ADAMTSL3: variants seen among roughly 807,000 people sequenced by gnomAD.
ADAMTSL3 encodes ADAMTS like 3, also known as ADAMTS-like protein 3.
ADAMTSL3 carries 128 observed loss-of-function variants against 201.7 expected under a neutral mutation model. The ratio of observed to expected loss-of-function variants is 0.63; its 90% CI spans 0.55 to 0.73. ADAMTSL3 has a LOEUF of 0.73. Among genes scored for constraint, ADAMTSL3 ranks in the 30% least tolerant of loss-of-function variants. ADAMTSL3 has a pLI of 0.00. For missense variants in ADAMTSL3, 1,990 were observed against 2,119.6 expected, an observed-to-expected ratio of 0.94 and a Z score of 1.20; for synonymous variants, 738 against 748.4, an observed-to-expected ratio of 0.99 and a Z score of 0.23.
chr15:83,787,783 T>G (rs2063287988), intron 4 of ADAMTSL3, among the ~76,000 whole-genome samples: 1 of 152,242 alleles, frequency 6.6e-6, no homozygotes, highest in South Asian at 2.1e-4. Flanking sequence ...TAACAATTTT[T>G]CACACCTCCT....
chr15:83,822,756 G>A lies in ADAMTSL3; in HGVS notation c.600+2709G>A, dbSNP rs1490926648. 3.1e-3 allele frequency among the ~76,000 whole-genome samples: 463 copies of A among 151,638 alleles called. 1 individual carries two copies. Among genetic ancestry groups the A allele is most frequent in the African/African-American group, 0.011 (438 of 41,306 alleles). On this transcript the variant is annotated intron_variant, in intron 6 of 29. Transcript: ENST00000286744. The stretch of plus-strand genomic sequence containing the variant: ...GCTCCTCACGTCCCAGACGATGGGC[G>A]GCCAGGCAGAGACGCTCCTCACTTC...
intron 2 of ADAMTSL3, among the ~76,000 whole-genome samples, chr15:83,674,640 CACACATATACATAT>C (rs2061369552): frequency 6.7e-6 from 1 of 148,694 alleles, no homozygotes; most frequent in South Asian, 2.1e-4. Flanking sequence ...CATATATATA[CACACATATACATAT>C]ACACATATAT....
intron 10 of ADAMTSL3, among the ~76,000 whole-genome samples, chr15:83,888,839 A>G (rs1357639082): frequency 6.6e-5 from 10 of 152,150 alleles, no homozygotes; most frequent in African/African-American, 2.4e-5. Context: ...CTTACATCCA[A>G]GCCATGTCTT....
Position 84,014,560 on chromosome 15 carries a change from T to A in ADAMTSL3, c.3992T>A (p.Ile1331Lys), listed in dbSNP as rs139185219. The stretch of plus-strand genomic sequence containing the variant: ...TCCAAAGGTGTCCCTCAGCCTAATA[T>A]AACTTGGTTGAAGAGAGGAGGATCT... ...CPVKGVPQPN[I>K]TWLKRGGSLS... The change falls in exon 24 of 30, where the codon ATA (isoleucine) becomes AAA (lysine). Residue 1331 changes from isoleucine to lysine, a missense_variant. By Grantham distance (102) the Ile-to-Lys change is moderately radical. Transcript: ENST00000286744. The A allele has an allele frequency of 6.2e-7, 1 of 1,614,076 alleles. No individual in the cohort carries two copies. The highest frequency in any genetic ancestry group is 1.1e-5 in the South Asian group (1 of 91,034).
chr15:83,707,244 A>G (rs2061866011), intron 3 of ADAMTSL3, among the ~76,000 whole-genome samples: 1 of 152,174 alleles, frequency 6.6e-6, no homozygotes, highest in Non-Finnish European at 1.5e-5. Flanking sequence ...TTTGGATGGT[A>G]TCTACCTTAT....
chr15:83,704,367 A>C (rs1345654689), intron 2 of ADAMTSL3, 22 bp from the exon 3 acceptor site: 1 of 1,613,912 alleles, frequency 6.2e-7, no homozygotes, highest in Non-Finnish European at 8.5e-7. Flanking sequence ...CTTATTTGTG[A>C]CCAAATGATC....
Position 84,016,636 on chromosome 15 carries a change from G to A in ADAMTSL3, c.4273+137G>A, listed in dbSNP as rs1317793896. On this transcript the variant is annotated intron_variant, in intron 25 of 29. Coordinates refer to ENST00000286744, the MANE Select transcript of ADAMTSL3 (RefSeq NM_207517.3). ...TAGGCATTTGGCCAGCCTTTTTCTT[G>A]ACCCTCAGTCTTTAGTGGTTCAACT... 30 of 718,918 alleles carry A rather than the reference G, an allele frequency of 4.2e-5. 1 individual carries two copies. In the Admixed American group the frequency reaches 8.0e-4, roughly 19 times the overall value. The allele number at this position is 718,918 out of a possible 1,614,324, so 44.5% of individuals were successfully genotyped here. A position where few individuals can be genotyped will look rare whatever the true frequency, so the allele number is the denominator to read the frequency against.
At chr15:83,849,012 CAATG>C (rs2064556437) in intron 7 of ADAMTSL3, among the ~76,000 whole-genome samples, 3 of 152,118 alleles carry the variant, frequency 2.0e-5, no homozygotes, top group Admixed American at 2.0e-4. Context: ...TAATTCCAGA[CAATG>C]AATGTGATCA....
intron 17 of ADAMTSL3, among the ~76,000 whole-genome samples, chr15:83,940,742 C>T (rs2066543883): frequency 6.6e-6 from 1 of 152,150 alleles, no homozygotes; most frequent in African/African-American, 2.4e-5. Flanking sequence ...TATATAACCA[C>T]ATGCAAAAGT....
chr15:83,879,554 T>G (rs2141851310), intron 9 of ADAMTSL3, among the ~76,000 whole-genome samples: 1 of 152,344 alleles, frequency 6.6e-6, no homozygotes, highest in South Asian at 2.1e-4. Flanking sequence ...AATTTTCCAG[T>G]AATCTTTTTA....
At position 83,743,654 on chromosome 15, in the gene ADAMTSL3, G is replaced by A. The variant is rs372114854; in HGVS notation, c.190-29869G>A. Among the ~76,000 whole-genome samples, 7 of 151,994 alleles carry A rather than the reference G, an allele frequency of 4.6e-5. 1 individual carries two copies. The South Asian group carries it at 6.2e-4, about 13-fold the overall frequency. On this transcript the variant is annotated intron_variant, in intron 3 of 29. Coordinates refer to ENST00000286744, the MANE Select transcript of ADAMTSL3 (RefSeq NM_207517.3). Reference sequence around the variant, plus strand: ...TGACTGTCTGATTTCTCTGTCAGCCGTGGCTGGGGAGGGGAGGCAAGTAGC... The same window carrying A: ...TGACTGTCTGATTTCTCTGTCAGCCATGGCTGGGGAGGGGAGGCAAGTAGC...
chr15:83,870,212 T>A (rs1314387821), intron 8 of ADAMTSL3, among the ~76,000 whole-genome samples: 1 of 152,174 alleles, frequency 6.6e-6, no homozygotes, highest in Non-Finnish European at 1.5e-5. Context: ...TGGTGGGTGA[T>A]AAAATGGCAT....
intron 13 of ADAMTSL3, among the ~76,000 whole-genome samples, chr15:83,896,065 G>A (rs8041056): frequency 0.63 from 95,335 of 152,076 alleles, 30,979 homozygotes; most frequent in African/African-American, 0.79. Context: ...TGGCTTGGCC[G>A]TGGCTTTGGC....
At chr15:83,728,369 G>C (rs899086302) in intron 3 of ADAMTSL3, among the ~76,000 whole-genome samples, 2 of 150,988 alleles carry the variant, frequency 1.3e-5, no homozygotes, top group African/African-American at 4.9e-5. Flanking sequence ...GTTATTATTT[G>C]TAAGTATGGA....
intron 15 of ADAMTSL3, among the ~76,000 whole-genome samples, chr15:83,912,554 T>A (rs2065952816): frequency 6.6e-6 from 1 of 152,182 alleles, no homozygotes; most frequent in Admixed American, 6.5e-5. Context: ...TTGAAGAAGA[T>A]CCAGAAGCTT....
chr15:83,782,676 AACACATGG>A (rs1293237478), intron 4 of ADAMTSL3, among the ~76,000 whole-genome samples: 3 of 152,140 alleles, frequency 2.0e-5, no homozygotes, highest in African/African-American at 7.2e-5. Flanking sequence ...AAACTATGAG[AACACATGG>A]ACACATACAG....
chr15:84,025,477 C>A, intron 27 of ADAMTSL3, 41 bp downstream of exon 27: 1 of 1,556,656 alleles, frequency 6.4e-7, no homozygotes, highest in South Asian at 1.2e-5. Flanking sequence ...CACTATCTGT[C>A]CACACAGATA....
At position 83,718,581 on chromosome 15, in the gene ADAMTSL3, A is replaced by G. The variant is rs537476828; in HGVS notation, c.189+14073A>G. Among the ~76,000 whole-genome samples, 51 of 151,754 alleles carry G rather than the reference A, an allele frequency of 3.4e-4. 1 individual carries two copies. Among genetic ancestry groups the G allele is most frequent in the Admixed American group, 1.5e-3 (23 of 15,216 alleles). The stretch of plus-strand genomic sequence containing the variant: ...TAGCCAGGCGTGGTGGTGCATGGCT[A>G]TATAATCCCAGCTACACAAGAACTG... On this transcript the variant is annotated intron_variant, in intron 3 of 29. Transcript: ENST00000286744.
intron 7 of ADAMTSL3, among the ~76,000 whole-genome samples, chr15:83,842,014 A>C (rs2064388788): frequency 6.6e-6 from 1 of 151,376 alleles, no homozygotes; most frequent in African/African-American, 2.4e-5. Flanking sequence ...ACTCCAGGGG[A>C]AGACCACCTT....
Sources: gnomAD v4.1 joint callset for allele counts (sites outside exome capture counted in the v4.1 genomes callset) on GRCh38, gnomAD v4.1.1 for gene constraint, MANE v1.5 for transcripts, NCBI Gene and HGNC (gene_info 2026-07-23, HGNC 2026-07-21) for gene names.